The following PITRM1 variants were observed in gnomAD, a reference collection of about 807,000 sequenced individuals.
PITRM1 encodes pitrilysin metallopeptidase 1.
In PITRM1, 100 loss-of-function variants were observed where a neutral mutation model predicts 129.9. That is an observed-to-expected ratio of 0.77 (90% CI 0.65 to 0.91). PITRM1 has a LOEUF of 0.91. Ranked by LOEUF, PITRM1 falls within the 40% of genes least tolerant of loss-of-function variation. PITRM1 has a pLI of 0.00. For synonymous variants in PITRM1, 591 were observed against 508.8 expected (o/e 1.16, Z -2.17); for missense variants, 1,471 against 1,318.3 (o/e 1.12, Z -1.79).
intron 13 of PITRM1, 77 bp from the exon 14 acceptor site, chr10:3,155,806 C>T (rs1841929122): frequency 6.6e-7 from 1 of 1,521,970 alleles, no homozygotes; most frequent in Non-Finnish European, 9.0e-7. Flanking sequence ...CAAGCTTCTG[C>T]TGGTGTGTTC....
chr10:3,139,126 A>C, intron 24 of PITRM1, 77 bp from the exon 25 acceptor site: 1 of 1,265,372 alleles, frequency 7.9e-7, no homozygotes, highest in Non-Finnish European at 1.1e-6. Flanking sequence ...TCGACTTAAC[A>C]GTTCAACATC....
intron 16 of PITRM1, chr10:3,149,263 G>A (rs1841255007): frequency 5.6e-6 from 1 of 177,362 alleles, no homozygotes; most frequent in Admixed American, 5.6e-5. Context: ...CTTGGAGGAG[G>A]AGCCACGCAC....
chr10:3,172,561 G>A (rs948130908), intron 1 of PITRM1, among the ~76,000 whole-genome samples, 156 bp downstream of exon 1: 3 of 152,108 alleles, frequency 2.0e-5, no homozygotes, highest in Non-Finnish European at 4.4e-5. Context: ...CCTCGGATGC[G>A]GGAGCTCCAG....
At chr10:3,171,881 C>G (rs1408680656) in intron 1 of PITRM1, among the ~76,000 whole-genome samples, 1 of 152,170 alleles carries the variant, frequency 6.6e-6, no homozygotes, top group East Asian at 1.9e-4. Flanking sequence ...ATTATTCTCT[C>G]CAATTGTATT....
intron 16 of PITRM1, 122 bp downstream of exon 16, chr10:3,149,499 C>A: frequency 9.9e-7 from 1 of 1,012,168 alleles, no homozygotes; most frequent in Non-Finnish European, 1.4e-6. Flanking sequence ...GTACACCATA[C>A]TTACACACTA....
intron 16 of PITRM1, 37 bp downstream of exon 16, chr10:3,149,584 A>G (rs2132410281): frequency 1.3e-6 from 2 of 1,512,414 alleles, no homozygotes; most frequent in Non-Finnish European, 1.8e-6. Context: ...CAAAGCAGAC[A>G]TTAATAAGAC....
intron 25 of PITRM1, chr10:3,138,662 C>G: frequency 2.5e-5 from 16 of 632,626 alleles, no homozygotes; most frequent in Non-Finnish European, 4.6e-5. Flanking sequence ...CCTAAAGAGC[C>G]CGGACACTGC....
chr10:3,143,669 G>A, intron 22 of PITRM1, 168 bp from the exon 23 acceptor site: 1 of 712,944 alleles, frequency 1.4e-6, no homozygotes, highest in Non-Finnish European at 2.6e-6. Flanking sequence ...CTGCAGCCAG[G>A]TGCTGGGGCG....
chr10:3,154,221 C>T (rs1290800339), intron 14 of PITRM1, among the ~76,000 whole-genome samples: 2 of 152,224 alleles, frequency 1.3e-5, no homozygotes, highest in African/African-American at 4.8e-5. Context: ...CGCTCCTTCA[C>T]AGCTAGTGGC....
chr10:3,138,883 T>A, intron 25 of PITRM1, 21 bp downstream of exon 25: 2 of 1,612,590 alleles, frequency 1.2e-6, no homozygotes, highest in South Asian at 2.2e-5. Flanking sequence ...GTTGAGATTC[T>A]CACTGTTATA....
chr10:3,138,258 G>C lies in PITRM1; in HGVS notation c.2997C>G (p.Asp999Glu), dbSNP rs748193746. Reference protein sequence around the residue: ...HREQLFAVSHDKLLAVSDRYL... With the variant: ...HREQLFAVSHEKLLAVSDRYL... ...ACCTATCGCTCACGGCCAGGAGCTT[G>C]TCGTGGCTGACAGCAAAGAGCTGCT... The change falls in exon 26 of 27, where the codon GAC becomes GAG. Residue 999 changes from aspartate (D) to glutamate (E), a missense_variant. Transcript: ENST00000224949. 1 of 1,613,436 alleles carries C rather than the reference G, an allele frequency of 6.2e-7. No homozygotes were observed. The highest frequency in any genetic ancestry group is 1.7e-4 in the Middle Eastern group (1 of 6,060).
intron 24 of PITRM1, among the ~76,000 whole-genome samples, 172 bp downstream of exon 24, chr10:3,140,515 G>A (rs1200711518): frequency 1.3e-5 from 2 of 152,140 alleles, no homozygotes; most frequent in South Asian, 2.1e-4. Flanking sequence ...CCTAATCCTC[G>A]CGCCAGAAAG....
chr10:3,143,565 G>C, intron 22 of PITRM1, 64 bp from the exon 23 acceptor site: 1 of 1,141,092 alleles, frequency 8.8e-7, no homozygotes, highest in Non-Finnish European at 1.3e-6. Context: ...CACTGGGACT[G>C]GACCCACTCA....
At chr10:3,143,001 T>C in intron 23 of PITRM1, 1 of 177,960 alleles carries the variant, frequency 5.6e-6, no homozygotes, top group Admixed American at 5.7e-5. Flanking sequence ...TTTGCTGTCA[T>C]TCACGCATCT....
intron 14 of PITRM1, among the ~76,000 whole-genome samples, chr10:3,154,790 T>G (rs1369364093): frequency 6.6e-6 from 1 of 152,152 alleles, no homozygotes; most frequent in Non-Finnish European, 1.5e-5. Flanking sequence ...GAGAATCCAT[T>G]TGGGTCCCCT....
At position 3,137,886 on chromosome 10, in the gene PITRM1, C is replaced by G. The variant is rs933846428; in HGVS notation, c.*145G>C. 8.2e-6 allele frequency: 5 copies of G among 609,992 alleles called. No homozygotes were observed. The highest frequency in any genetic ancestry group is 1.2e-5 in the Non-Finnish European group (4 of 342,066). 37.8% of individuals were successfully genotyped at this position (609,992 alleles called of 1,614,324 possible). A position where few individuals can be genotyped will look rare whatever the true frequency, so the allele number is the denominator to read the frequency against. On this transcript the variant is annotated 3_prime_UTR_variant, in exon 27 of 27. Coordinates refer to ENST00000224949, the MANE Select transcript of PITRM1 (RefSeq NM_014889.4). ...CTTCCTGGTCACTCTTAAGATAGAT[C>G]TGAGTTTTTGACTCGCCAGTCAAGG...
chr10:3,168,897 G>A (rs941258024), intron 2 of PITRM1, among the ~76,000 whole-genome samples: 4 of 116,560 alleles, frequency 3.4e-5, no homozygotes, highest in African/African-American at 1.3e-4. Flanking sequence ...GACCAGTCTA[G>A]GCAACAAAGT....
Position 3,149,708 on chromosome 10 carries a change from A to G in PITRM1, c.1784T>C (p.Met595Thr), listed in dbSNP as rs1218328899. The G allele has an allele frequency of 6.2e-7, 1 of 1,612,330 alleles. No homozygotes were observed. Among genetic ancestry groups the G allele is most frequent in the African/African-American group, 1.3e-5 (1 of 74,966 alleles). Residue 595 changes from methionine (M) to threonine (T), a missense_variant, in exon 16 of 27, where the codon ATG becomes ACG. Transcript: ENST00000224949. ...GCTGGAGAAGGCCCGGAAATACACC[A>G]TGCCATTGGTGGGCTGGGCGCAGTA... is the stretch of plus-strand genomic sequence containing the variant. ...VQYCAQPTNG[M>T]VYFRAFSSLN...
chr10:3,170,174 C>G lies in PITRM1; in HGVS notation c.89G>C (p.Ser30Thr), dbSNP rs1564442423. Residue 30 changes from serine to threonine, a missense_variant, in exon 2 of 27, where the codon AGT becomes ACT. Physicochemically the swap from Ser to Thr is moderately conservative, Grantham distance 58. Coordinates refer to ENST00000224949, the MANE Select transcript of PITRM1 (RefSeq NM_014889.4). ...HAHHRAWRWN[S>T]NRACERALQY... ...CAGAGCCCTCTCACAAGCCCGGTTACTGTTCCATCGCCACGCTCTGTGGTG... is the reference window on the plus strand; with the variant it reads ...CAGAGCCCTCTCACAAGCCCGGTTAGTGTTCCATCGCCACGCTCTGTGGTG... The G allele has an allele frequency of 6.2e-7, 1 of 1,613,864 alleles. No homozygotes were observed. Among genetic ancestry groups the G allele is most frequent in the Non-Finnish European group, 8.5e-7 (1 of 1,179,842 alleles).
Sources: gnomAD v4.1 joint callset for allele counts (sites outside exome capture counted in the v4.1 genomes callset) on GRCh38, gnomAD v4.1.1 for gene constraint, MANE v1.5 for transcripts, NCBI Gene and HGNC (gene_info 2026-07-23, HGNC 2026-07-21) for gene names.